OVCH1: variants seen among roughly 807,000 people sequenced by gnomAD.
OVCH1 encodes ovochymase 1, also known as ovochymase-1.
Under a neutral mutation model 138.4 loss-of-function variants are expected in OVCH1, and 139 were observed. The ratio of observed to expected loss-of-function variants is 1.00; its 90% CI spans 0.87 to 1.16. The LOEUF is 1.16. OVCH1 is among the 50% of genes most tolerant of loss of function. The pLI is 0.00. For missense variants in OVCH1, 1,367 were observed against 1,357.9 expected, an observed-to-expected ratio of 1.01 and a Z score of -0.11; for synonymous variants, 453 against 467.8, an observed-to-expected ratio of 0.97 and a Z score of 0.41.
At chr12:29,410,351 T>C (rs376638666), downstream of OVCH1, among the ~76,000 whole-genome samples, 1 of 151,450 alleles carries the variant, frequency 6.6e-6, no homozygotes, top group Non-Finnish European at 1.5e-5. Context: ...ATCCTGTCAT[T>C]ATGATGTTAG....
chr12:29,456,908 G>T (rs1941967246), intron 19 of OVCH1, among the ~76,000 whole-genome samples: 1 of 152,156 alleles, frequency 6.6e-6, no homozygotes. Flanking sequence ...TTTTAATCAG[G>T]TCTTTTGCAG....
chr12:29,418,393 T>C (rs193071027), intron 3 of OVCH1, among the ~76,000 whole-genome samples: 26 of 152,350 alleles, frequency 1.7e-4, no homozygotes, highest in Admixed American at 1.3e-4. Flanking sequence ...AATTAATTTC[T>C]TTGAAATCTT....
At chr12:29,474,043 T>G (rs141109753) in intron 14 of OVCH1, among the ~76,000 whole-genome samples, 126 of 148,582 alleles carry the variant, frequency 8.5e-4, no homozygotes, top group African/African-American at 3.0e-3. Context: ...TGTGATCATG[T>G]AAGTTAATAC....
chr12:29,464,511 A>G (rs1942248168), exon 18 of OVCH1: 2 of 1,613,212 alleles, frequency 1.2e-6, no homozygotes, highest in Non-Finnish European at 8.5e-7. Flanking sequence ...GCTTACCTGC[A>G]CTGATGCTTC....
the OVCH1 span, among the ~76,000 whole-genome samples, chr12:29,402,964 A>G: frequency 2.6e-5 from 4 of 152,338 alleles, no homozygotes; most frequent in Admixed American, 2.0e-4. Flanking sequence ...ATCAAGGTTC[A>G]TTAGACAAAG....
intron 19 of OVCH1, among the ~76,000 whole-genome samples, chr12:29,459,557 A>T (rs916560872): frequency 6.6e-6 from 1 of 152,200 alleles, no homozygotes; most frequent in Non-Finnish European, 1.5e-5. Context: ...TGAAAAAAAT[A>T]GTATTTGATA....
At chr12:29,488,561 G>A (rs10843431) in intron 6 of OVCH1, among the ~76,000 whole-genome samples, 6 of 146,148 alleles carry the variant, frequency 4.1e-5, no homozygotes, top group African/African-American at 1.5e-4. Flanking sequence ...AGAGGTTGCC[G>A]TGAGCCAAGA....
intron 18 of OVCH1, among the ~76,000 whole-genome samples, chr12:29,463,499 G>T (rs878964292): frequency 6.6e-6 from 1 of 152,264 alleles, no homozygotes; most frequent in East Asian, 1.9e-4. Context: ...ATGTGGAAGA[G>T]GTTAAGTGGG....
intron 1 of OVCH1, 52 bp downstream of exon 1, chr12:29,497,571 C>A: frequency 1.2e-6 from 2 of 1,604,024 alleles, no homozygotes; most frequent in South Asian, 2.2e-5. Context: ...TCTTCCCTCT[C>A]CAGCACGCTC....
chr12:29,451,081 G>A (rs1051120441), intron 22 of OVCH1, among the ~76,000 whole-genome samples: 1 of 152,002 alleles, frequency 6.6e-6, no homozygotes, highest in Non-Finnish European at 1.5e-5. Flanking sequence ...CAGGCTTATA[G>A]TTGCAGCAAA....
downstream of OVCH1, among the ~76,000 whole-genome samples, chr12:29,412,183 G>T (rs1940968228): frequency 6.6e-6 from 1 of 152,120 alleles, no homozygotes; most frequent in Non-Finnish European, 1.5e-5. Context: ...GGGCAGGAGT[G>T]ACCCGATTTT....
At chr12:29,472,962 CA>C in intron 15 of OVCH1, 66 bp downstream of exon 15, 1 of 1,390,408 alleles carries the variant, frequency 7.2e-7, no homozygotes. Flanking sequence ...TAAGGGCTTC[CA>C]AAAGAGACAT....
intron 25 of OVCH1, 150 bp from the exon 26 acceptor site, chr12:29,440,894 C>T (rs1391088037): frequency 5.2e-6 from 2 of 385,966 alleles, no homozygotes; most frequent in Admixed American, 3.1e-5. Context: ...TGTATCTGGG[C>T]CCTTCTTAGG....
At chr12:29,461,722 G>A in intron 19 of OVCH1, 132 bp downstream of exon 19, 1 of 1,117,942 alleles carries the variant, frequency 8.9e-7, no homozygotes, top group Non-Finnish European at 1.3e-6. Flanking sequence ...TGCCCCACTG[G>A]TCTTCATGCA....
At chr12:29,480,328 G>C (rs537449100) in intron 8 of OVCH1, among the ~76,000 whole-genome samples, 127 of 152,268 alleles carry the variant, frequency 8.3e-4, no homozygotes, top group African/African-American at 3.0e-3. Flanking sequence ...AATTGGCATT[G>C]ATAACAAAAG....
intron 26 of OVCH1, among the ~76,000 whole-genome samples, chr12:29,437,267 C>T (rs528296919): frequency 5.3e-5 from 8 of 152,232 alleles, no homozygotes; most frequent in African/African-American, 1.9e-4. Flanking sequence ...GCTGGCTTCA[C>T]CTCTTAATTT....
At chr12:29,466,212 G>T (rs1016277081) in intron 16 of OVCH1, among the ~76,000 whole-genome samples, 7 of 151,984 alleles carry the variant, frequency 4.6e-5, no homozygotes, top group Non-Finnish European at 1.0e-4. Context: ...AAACCTGCAC[G>T]TTGTGCACAT....
chr12:29,471,197 A>C (rs889356065), intron 16 of OVCH1, among the ~76,000 whole-genome samples: 1 of 152,178 alleles, frequency 6.6e-6, no homozygotes, highest in Non-Finnish European at 1.5e-5. Flanking sequence ...ATTAATATCT[A>C]TTCTTTAAAC....
At chr12:29,451,458 G>T in exon 22 of OVCH1, 1 of 1,613,244 alleles carries the variant, frequency 6.2e-7, no homozygotes, top group Non-Finnish European at 8.5e-7. Context: ...CATACTGCTT[G>T]CTGAAACTCT....
Sources: allele counts gnomAD v4.1 joint callset (sites outside exome capture counted in the v4.1 genomes callset), GRCh38; gene constraint gnomAD v4.1.1; transcripts MANE v1.5; gene names NCBI Gene and HGNC (gene_info 2026-07-23, HGNC 2026-07-21).